The following PRKAR1B variants were observed in gnomAD, a reference collection of about 807,000 sequenced individuals.
PRKAR1B encodes protein kinase cAMP-dependent type I regulatory subunit beta.
In PRKAR1B, 22 loss-of-function variants were observed where a neutral mutation model predicts 46.5. That is an observed-to-expected ratio of 0.47 (90% confidence interval 0.34 to 0.68). The LOEUF (loss-of-function observed/expected upper bound fraction) is 0.68, where lower values mean the gene tolerates loss of function less well. Among genes scored for constraint, PRKAR1B ranks in the 30% least tolerant of loss-of-function variants. PRKAR1B has a pLI of 0.01. For synonymous variants in PRKAR1B, 259 were observed against 217.7 expected (o/e 1.19, Z -1.67); for missense variants, 445 against 535.6 (o/e 0.83, Z 1.67).
intron 1 of PRKAR1B, among the ~76,000 whole-genome samples, chr7:718,129 C>T (rs760103939): frequency 4.0e-5 from 6 of 151,826 alleles, no homozygotes; most frequent in Non-Finnish European, 8.8e-5. Flanking sequence ...CTTCCTCAGT[C>T]GAGCCTCAGA....
intron 4 of PRKAR1B, among the ~76,000 whole-genome samples, chr7:663,965 C>A (rs1287299728): frequency 6.6e-6 from 1 of 152,182 alleles, no homozygotes; most frequent in African/African-American, 2.4e-5. Context: ...CTGGGCAAGC[C>A]CCCCGCTGTC....
At chr7:727,038 C>T in intron 1 of PRKAR1B, 172 bp downstream of exon 1, 2 of 1,124,624 alleles carry the variant, frequency 1.8e-6, no homozygotes, top group Non-Finnish European at 2.2e-6. Flanking sequence ...GCCTGCGCCG[C>T]GCCGCGCGGC....
At chr7:674,340 G>A (rs1786460944) in intron 4 of PRKAR1B, among the ~76,000 whole-genome samples, 1 of 150,916 alleles carries the variant, frequency 6.6e-6, no homozygotes, top group Non-Finnish European at 1.5e-5. Flanking sequence ...CTCCAGCCAT[G>A]CCCAGCTATT....
At chr7:728,727 C>A (rs995681560), upstream of PRKAR1B, among the ~76,000 whole-genome samples, 1 of 152,226 alleles carries the variant, frequency 6.6e-6, no homozygotes, top group South Asian at 2.1e-4. Context: ...CAGCCCCAAG[C>A]GCAGCCTGCT....
At chr7:639,358 G>A (rs1190840161) in intron 4 of PRKAR1B, among the ~76,000 whole-genome samples, 3 of 152,146 alleles carry the variant, frequency 2.0e-5, no homozygotes, top group African/African-American at 7.2e-5. Context: ...TCAACAAATC[G>A]TGCTGGGACA....
chr7:612,904 G>T (rs1782607502), intron 4 of PRKAR1B, among the ~76,000 whole-genome samples: 1 of 152,160 alleles, frequency 6.6e-6, no homozygotes, highest in Non-Finnish European at 1.5e-5. Flanking sequence ...AGCAACAGAG[G>T]CTTTATTAAA....
Position 579,359 on chromosome 7 carries a change from TC to T in PRKAR1B, c.787del (p.Glu263SerfsTer3). Reference sequence around the variant, plus strand: ...CAGCGCATCCGCCACGGTCAGACGCTCCCACTTCTCCAGGGACTCTGTCGGG... The same window carrying T: ...CAGCGCATCCGCCACGGTCAGACGCTCCACTTCTCCAGGGACTCTGTCGGG... ...VSILESLEKW[E>X]RLTVADALEP... On this transcript the variant is annotated frameshift_variant, in exon 9 of 11. Coordinates refer to ENST00000537384, the MANE Select transcript of PRKAR1B (RefSeq NM_001164760.2). LOFTEE classifies it high-confidence loss of function. The T allele has an allele frequency of 1.9e-6, 3 of 1,613,898 alleles. No homozygotes were observed. The highest frequency in any genetic ancestry group is 1.7e-6 in the Non-Finnish European group (2 of 1,180,022).
intron 9 of PRKAR1B, among the ~76,000 whole-genome samples, chr7:563,875 G>C (rs1210405699): frequency 1.3e-5 from 2 of 151,828 alleles, no homozygotes; most frequent in African/African-American, 4.8e-5. Context: ...TGCATGGGTT[G>C]TGGGTGTGTA....
chr7:656,643 G>A (rs775510670), intron 4 of PRKAR1B, among the ~76,000 whole-genome samples: 1 of 152,114 alleles, frequency 6.6e-6, no homozygotes, highest in Non-Finnish European at 1.5e-5. Context: ...ATGAATGAAT[G>A]AGTGAATGGA....
intron 7 of PRKAR1B, among the ~76,000 whole-genome samples, chr7:591,000 A>G (rs556103239): frequency 6.6e-6 from 1 of 152,362 alleles, no homozygotes; most frequent in South Asian, 2.1e-4. Context: ...TCTGCCAGCC[A>G]TAAAAAAAGC....
chr7:664,689 G>A (rs111401529), intron 4 of PRKAR1B, among the ~76,000 whole-genome samples: 9 of 151,408 alleles, frequency 5.9e-5, no homozygotes, highest in African/African-American at 1.5e-4. Context: ...CCAGAGGATC[G>A]CTTGAGCCCA....
At chr7:609,849 T>G (rs969047299) in intron 4 of PRKAR1B, among the ~76,000 whole-genome samples, 3 of 152,140 alleles carry the variant, frequency 2.0e-5, no homozygotes, top group Non-Finnish European at 4.4e-5. Flanking sequence ...TAAGGTGTCC[T>G]CTCACCTGAG....
rs1360472118 is a variant in PRKAR1B at position 598,811 on chromosome 7, G to A, written c.550-2507C>T. ...CGGGTAACATCTTGTGCCCAAGGAG[G>A]TGAGTGAGCCTCTTGGCCCCTTCAG... On this transcript the variant is annotated intron_variant, in intron 6 of 10. Transcript: ENST00000537384. Among the ~76,000 whole-genome samples, 4 of 152,240 alleles carry A rather than the reference G, an allele frequency of 2.6e-5. No homozygotes were observed. The East Asian group carries it at 7.7e-4, about 29-fold the overall frequency.
At chr7:718,328 A>ATG (rs1470623854) in intron 1 of PRKAR1B, among the ~76,000 whole-genome samples, 4 of 136,566 alleles carry the variant, frequency 2.9e-5, no homozygotes, top group African/African-American at 8.1e-5. Context: ...ATATGTATGT[A>ATG]TGTATATATA....
intron 4 of PRKAR1B, among the ~76,000 whole-genome samples, chr7:620,983 T>G (rs1783080805): frequency 6.6e-6 from 1 of 152,246 alleles, no homozygotes; most frequent in Non-Finnish European, 1.5e-5. Flanking sequence ...TATGCAATAG[T>G]TGTTGAGCTT....
intron 9 of PRKAR1B, among the ~76,000 whole-genome samples, chr7:558,656 G>T (rs1188320813): frequency 2.0e-5 from 3 of 152,112 alleles, no homozygotes; most frequent in African/African-American, 7.2e-5. Flanking sequence ...GGGAGGCTGA[G>T]GCAGGAGGAT....
chr7:556,962 G>A (rs907242969), intron 9 of PRKAR1B, among the ~76,000 whole-genome samples: 9 of 152,168 alleles, frequency 5.9e-5, no homozygotes, highest in Non-Finnish European at 1.3e-4. Flanking sequence ...AACTAGACGC[G>A]GCCACTCAGC....
At chr7:659,226 T>C (rs901126662) in intron 4 of PRKAR1B, among the ~76,000 whole-genome samples, 2 of 152,208 alleles carry the variant, frequency 1.3e-5, no homozygotes. Context: ...TTCATTTACT[T>C]ATAGTCTCTT....
At chr7:603,995 C>A (rs1207662915) in intron 6 of PRKAR1B, among the ~76,000 whole-genome samples, 1 of 152,196 alleles carries the variant, frequency 6.6e-6, no homozygotes, top group African/African-American at 2.4e-5. Context: ...CTGCCCATCC[C>A]ATACCTCCCG....
Sources: allele counts gnomAD v4.1 joint callset (sites outside exome capture counted in the v4.1 genomes callset), GRCh38; gene constraint gnomAD v4.1.1; transcripts MANE v1.5; gene names NCBI Gene and HGNC (gene_info 2026-07-23, HGNC 2026-07-21).